SGK1: variants seen among roughly 807,000 people sequenced by gnomAD.
SGK1 encodes the protein serine/threonine-protein kinase Sgk1.
Under a neutral mutation model 64.2 loss-of-function variants are expected in SGK1, and 26 were observed. The ratio of observed to expected loss-of-function variants is 0.40; its 90% CI spans 0.30 to 0.56. SGK1 has a LOEUF of 0.56. SGK1 is among the 20% of genes least tolerant of loss of function. SGK1 has a pLI of 0.38. For missense variants in SGK1, 519 were observed against 645.6 expected (o/e 0.80, Z 2.12); for synonymous variants, 265 against 239.7 (o/e 1.11, Z -0.98).
intron 3 of SGK1, among the ~76,000 whole-genome samples, chr6:134,176,991 G>A (rs984113712): frequency 6.6e-6 from 1 of 152,186 alleles, no homozygotes; most frequent in Non-Finnish European, 1.5e-5. Context: ...CAAGGCGGGC[G>A]GATCACGAGG....
At chr6:134,192,548 C>G (rs1157545411) in intron 3 of SGK1, among the ~76,000 whole-genome samples, 3 of 152,110 alleles carry the variant, frequency 2.0e-5, no homozygotes, top group Admixed American at 1.3e-4. Flanking sequence ...TTGCCTCTGG[C>G]ATCCCTGGTT....
chr6:134,276,937 C>T (rs1777026892), intron 1 of SGK1, among the ~76,000 whole-genome samples: 1 of 152,158 alleles, frequency 6.6e-6, no homozygotes, highest in Non-Finnish European at 1.5e-5. Flanking sequence ...GTAATCCCAG[C>T]TACTCAGGAT....
chr6:134,186,362 C>A (rs898876178), intron 3 of SGK1, among the ~76,000 whole-genome samples: 3 of 152,072 alleles, frequency 2.0e-5, no homozygotes, highest in African/African-American at 7.2e-5. Context: ...ATTAACAATA[C>A]TTAAATACTG....
intron 3 of SGK1, among the ~76,000 whole-genome samples, chr6:134,205,422 G>A (rs1168636058): frequency 6.6e-6 from 1 of 150,838 alleles, no homozygotes; most frequent in Admixed American, 6.6e-5. Flanking sequence ...CGTAAGTCTG[G>A]TCTTTGAAAA....
At chr6:134,303,994 G>C (rs1777497600) in intron 1 of SGK1, among the ~76,000 whole-genome samples, 1 of 152,166 alleles carries the variant, frequency 6.6e-6, no homozygotes, top group South Asian at 2.1e-4. Context: ...GAGATCGTCA[G>C]CTTCCACAGG....
At chr6:134,184,289 G>A (rs1379277223) in intron 3 of SGK1, among the ~76,000 whole-genome samples, 1 of 151,794 alleles carries the variant, frequency 6.6e-6, no homozygotes, top group African/African-American at 2.4e-5. Flanking sequence ...ACGAGGTCAG[G>A]AGATCAAGAC....
intron 2 of SGK1, among the ~76,000 whole-genome samples, chr6:134,239,526 A>C (rs748578769): frequency 1.3e-5 from 2 of 152,196 alleles, no homozygotes; most frequent in Non-Finnish European, 1.5e-5. Flanking sequence ...CTGTAAAATT[A>C]AGAGATTGGG....
rs1363284048 is a variant in SGK1 at position 134,289,589 on chromosome 6, A to ATATT, written c.70-27445_70-27442dup. On this transcript the variant is annotated intron_variant, in intron 1 of 13. Coordinates refer to ENST00000367858, the MANE Select transcript of SGK1 (RefSeq NM_001143676.3). Reference sequence around the variant, plus strand: ...TACTTAATATAAAATTATTAATGAAATATTTTATATTCTCTTTTTTTTTCC... The same window carrying ATATT: ...TACTTAATATAAAATTATTAATGAAATATTTATTTTATATTCTCTTTTTTTTTCC... 2.0e-5 allele frequency among the ~76,000 whole-genome samples: 3 copies of ATATT among 152,322 alleles called. No individual in the cohort carries two copies. In the East Asian group the frequency reaches 5.8e-4, roughly 29 times the overall value.
intron 3 of SGK1, chr6:134,174,882 C>A: frequency 6.2e-7 from 1 of 1,603,036 alleles, no homozygotes; most frequent in South Asian, 1.1e-5. Context: ...GCCGCGCGCT[C>A]GGCCTTATAA....
intron 5 of SGK1, 150 bp from the exon 6 acceptor site, chr6:134,173,716 T>A: frequency 1.6e-6 from 1 of 629,882 alleles, no homozygotes. Flanking sequence ...TTCATCACAT[T>A]TCAAATGAGT....
At chr6:134,183,145 G>T (rs1261456435) in intron 3 of SGK1, among the ~76,000 whole-genome samples, 1 of 152,042 alleles carries the variant, frequency 6.6e-6, no homozygotes, top group Non-Finnish European at 1.5e-5. Flanking sequence ...AGATCTCTGT[G>T]GTGCACCTCT....
At chr6:134,171,962 A>T (rs1775042607) in intron 10 of SGK1, 3 of 648,126 alleles carry the variant, frequency 4.6e-6, no homozygotes, top group Admixed American at 6.0e-5. Context: ...AGGGATTTAG[A>T]AAGTTTTTAT....
intron 5 of SGK1, 21 bp from the exon 6 acceptor site, chr6:134,173,587 T>C: frequency 7.1e-7 from 1 of 1,410,698 alleles, no homozygotes; most frequent in African/African-American, 1.4e-5. Flanking sequence ...AAAAAAAGAA[T>C]TTCTTTTAAT....
chr6:134,226,693 C>CAA (rs559207535), intron 2 of SGK1, among the ~76,000 whole-genome samples: 6 of 130,124 alleles, frequency 4.6e-5, no homozygotes, highest in African/African-American at 1.7e-4. Context: ...GACCCTGTCT[C>CAA]AAAAAAAAAA....
intron 3 of SGK1, among the ~76,000 whole-genome samples, chr6:134,197,896 TAAAATATAAAATAAA>T (rs1209158082): frequency 1.9e-4 from 10 of 52,308 alleles, no homozygotes; most frequent in African/African-American, 3.1e-4. Context: ...TAAAATAAAA[TAAAATATAAAATAAA>T]ATAAAATAAA....
intron 1 of SGK1, among the ~76,000 whole-genome samples, chr6:134,292,315 G>A (rs373424497): frequency 8.7e-4 from 133 of 152,246 alleles, no homozygotes; most frequent in African/African-American, 3.0e-3. Flanking sequence ...CCAGGGGGCC[G>A]GGCGCGGTGG....
Position 134,183,879 on chromosome 6 carries a change from G to A in SGK1, c.362-9293C>T, listed in dbSNP as rs376105160. Among the ~76,000 whole-genome samples, 399 of 113,528 alleles carry A rather than the reference G, an allele frequency of 3.5e-3. 3 individuals are homozygous for A. Among genetic ancestry groups the A allele is most frequent in the African/African-American group, 0.012 (363 of 29,142 alleles). The allele number at this position is 113,528 out of a possible 152,430, so 74.5% of individuals were successfully genotyped here. A position where few individuals can be genotyped will look rare whatever the true frequency, so the allele number is the denominator to read the frequency against. ...CCCCCACCCCCCACCCCCGGCATTG[G>A]ATCCTTCGGTCAGGAATTTGTGTGC... On this transcript the variant is annotated intron_variant, in intron 3 of 13. Coordinates refer to ENST00000367858, the MANE Select transcript of SGK1 (RefSeq NM_001143676.3).
chr6:134,255,796 G>A (rs1330560633), intron 2 of SGK1, among the ~76,000 whole-genome samples: 2 of 151,760 alleles, frequency 1.3e-5, no homozygotes, highest in African/African-American at 4.8e-5. Context: ...TGTTGACCGG[G>A]CTGGTCTTGA....
intron 3 of SGK1, among the ~76,000 whole-genome samples, chr6:134,188,872 A>G (rs908354278): frequency 4.0e-5 from 6 of 150,844 alleles, no homozygotes; most frequent in Non-Finnish European, 7.4e-5. Context: ...ATCTGGGGCT[A>G]CAGGCACATG....
Sources: gnomAD v4.1 joint callset for allele counts (sites outside exome capture counted in the v4.1 genomes callset) on GRCh38, gnomAD v4.1.1 for gene constraint, MANE v1.5 for transcripts, NCBI Gene and HGNC (gene_info 2026-07-23, HGNC 2026-07-21) for gene names.